The following MUC6 variants were observed in gnomAD, a reference collection of about 807,000 sequenced individuals.
MUC6 encodes mucin 6, oligomeric mucus/gel-forming (gene/pseudogene).
MUC6 carries 188 observed loss-of-function variants against 201.5 expected under a neutral mutation model. The observed-to-expected ratio is 0.93, with a 90% CI of 0.83 to 1.05. The LOEUF (loss-of-function observed/expected upper bound fraction) is 1.05. MUC6 is among the 50% of genes least tolerant of loss of function. The probability of loss-of-function intolerance (pLI) is 0.00; values close to 1 mark genes in which losing one functional copy is unlikely to be tolerated. For missense variants in MUC6, 2,706 were observed against 3,256.9 expected (o/e 0.83, Z 4.12); for synonymous variants, 1,228 against 1,389.4 (o/e 0.88, Z 2.58).
Position 1,015,854 on chromosome 11 carries a change from G to C in MUC6, c.6947C>G (p.Thr2316Arg). ...RHPGPTLSPTTRFLTSSLTAH... is the reference protein window; with the variant it reads ...RHPGPTLSPTRRFLTSSLTAH... ...AGTGAGGGAGCTGGTCAGGAACCGT[G>C]TGGTAGGCGACAAGGTGGGACCAGG... is the stretch of plus-strand genomic sequence containing the variant. Residue 2316 changes from threonine to arginine, a missense_variant, in exon 31 of 33, where the codon ACA (threonine) becomes AGA (arginine). Around this residue, in one of 10 missense-constraint regions of MUC6, gnomAD observed 586 missense variants for 488.0 expected, o/e 1.20. Transcript: ENST00000421673. The C allele has an allele frequency of 6.2e-7, 1 of 1,605,802 alleles. No individual in the cohort carries two copies. The highest frequency in any genetic ancestry group is 1.3e-5 in the African/African-American group (1 of 74,966).
intron 5 of MUC6, 54 bp from the exon 6 acceptor site, chr11:1,031,110 C>G (rs1857091645): frequency 3.5e-6 from 5 of 1,431,412 alleles, no homozygotes; most frequent in Non-Finnish European, 4.7e-6. Context: ...AGAGGCCCCC[C>G]TGCCCTGCCC....
Position 1,015,767 on chromosome 11 carries a change from G to C in MUC6, c.7034C>G (p.Ser2345Ter), listed in dbSNP as rs780694883. 2 of 1,532,114 alleles carry C rather than the reference G, an allele frequency of 1.3e-6. No homozygotes were observed. Among genetic ancestry groups the C allele is most frequent in the Non-Finnish European group, 1.8e-6 (2 of 1,138,024 alleles). 94.9% of individuals were successfully genotyped at this position (1,532,114 alleles called of 1,614,324 possible). Residue 2345 changes from serine (S) to a stop codon, truncating the protein, a stop_gained, in exon 31 of 33, where the codon TCA (serine) becomes TGA (stop). Coordinates refer to ENST00000421673, the MANE Select transcript of MUC6 (RefSeq NM_005961.3). LOFTEE classifies it high-confidence loss of function. ...VSSLGTPTPTSPGVCSVREQQ... is the reference protein window; with the variant it reads ...VSSLGTPTPT ...GCCACAGAGATGCCACTTACCGGGT[G>C]AGGTGGGCGTAGGTGTCCCGAGAGA... is the stretch of plus-strand genomic sequence containing the variant.
intron 10 of MUC6, 30 bp from the exon 11 acceptor site, chr11:1,029,180 G>T (rs768580793): frequency 1.2e-6 from 2 of 1,606,074 alleles, no homozygotes; most frequent in South Asian, 1.1e-5. Context: ...AGACACGGGT[G>T]GGGTCACCGG....
Position 1,029,614 on chromosome 11 carries a change from A to G in MUC6, c.1017T>C (p.Gly339=), listed in dbSNP as rs1857054056. 6.3e-7 allele frequency: 1 copy of G among 1,580,608 alleles called. No homozygotes were observed. Among genetic ancestry groups the G allele is most frequent in the African/African-American group, 1.3e-5 (1 of 74,200 alleles). Residue 339 remains glycine (G), a splice_region_variant and synonymous_variant, in exon 9 of 33, where the codon GGT becomes GGC. Coordinates refer to ENST00000421673, the MANE Select transcript of MUC6 (RefSeq NM_005961.3). ...SCTFGCFCPE[G]TVLNDLSNNH... ...TATTGGAGAGGTCATTCAGGACCGTACCTGCAGGAGAGGGTCTTCTTGGGG... is the reference window on the plus strand; with the variant it reads ...TATTGGAGAGGTCATTCAGGACCGTGCCTGCAGGAGAGGGTCTTCTTGGGG...
At chr11:1,032,095 A>T in intron 2 of MUC6, 42 bp from the exon 3 acceptor site, 1 of 1,600,446 alleles carries the variant, frequency 6.2e-7, no homozygotes, top group Non-Finnish European at 8.5e-7. Flanking sequence ...TGTCCCCACC[A>T]TCCTGGCCAG....
At position 1,018,763 on chromosome 11, in the gene MUC6, C is replaced by G. The variant is rs545535610; in HGVS notation, c.4038G>C (p.Ser1346=). ...TTGTTCCTGGCAGTTCCTGATTGGTCGATTTTGCTGTGGGAATTGGTGAAG... is the reference window on the plus strand; with the variant it reads ...TTGTTCCTGGCAGTTCCTGATTGGTGGATTTTGCTGTGGGAATTGGTGAAG... The part of the protein sequence containing the change: ...TSGTSPTLPK[S]TNQELPGTTA... Residue 1346 remains serine (S), a synonymous_variant, in exon 31 of 33, where the codon TCG becomes TCC. Coordinates refer to ENST00000421673, the MANE Select transcript of MUC6 (RefSeq NM_005961.3). 1.8e-4 allele frequency: 277 copies of G among 1,558,506 alleles called. 3 individuals are homozygous for G. The South Asian group carries it at 3.0e-3, about 17-fold the overall frequency.
intron 1 of MUC6, among the ~76,000 whole-genome samples, chr11:1,034,576 A>G (rs1202594714): frequency 6.6e-6 from 1 of 150,992 alleles, no homozygotes; most frequent in Non-Finnish European, 1.5e-5. Flanking sequence ...CTGGTGGGGG[A>G]GGGGTGGGAG....
At position 1,027,261 on chromosome 11, in the gene MUC6, C is replaced by T; in HGVS notation, c.2231+7G>A. 1 of 1,612,246 alleles carries T rather than the reference C, an allele frequency of 6.2e-7. No individual in the cohort carries two copies. The highest frequency in any genetic ancestry group is 8.5e-7 in the Non-Finnish European group (1 of 1,179,820). On this transcript the variant is annotated splice_region_variant and intron_variant, in intron 17 of 32. Coordinates refer to ENST00000421673, the MANE Select transcript of MUC6 (RefSeq NM_005961.3). ...ACCCCCCGCCTGGCCCCTGCCCGGTCCCTCACCAGGTGATGCCGTTGATGA... is the reference window on the plus strand; with the variant it reads ...ACCCCCCGCCTGGCCCCTGCCCGGTTCCTCACCAGGTGATGCCGTTGATGA...
chr11:1,016,297 G>A lies in MUC6; in HGVS notation c.6504C>T (p.Ala2168=), dbSNP rs367793203. ...AGCTCAGGGTTGTGGAGTGCACGGG[G>A]GCGGACACGAAAGAGGAAGATGTGC... ...SVGTSSSFVS[A]PVHSTTLSSG... Residue 2168 remains alanine, a synonymous_variant, in exon 31 of 33, where the codon GCC becomes GCT. Transcript: ENST00000421673. 2 of 1,612,270 alleles carry A rather than the reference G, an allele frequency of 1.2e-6. No individual in the cohort carries two copies. Among genetic ancestry groups the A allele is most frequent in the African/African-American group, 2.7e-5 (2 of 74,964 alleles).
In MUC6 at chr11:1,015,989, G is replaced by A; in HGVS notation, c.6812C>T (p.Ser2271Leu). The stretch of plus-strand genomic sequence containing the variant: ...TCGGGTGGTGAGAGAAGTGGACCGC[G>A]AGGTGGTGGACTGAGAGGAGAAGGC... The part of the protein sequence containing the change: ...APAFSSQSTT[S>L]RSTSLTTRVP... Residue 2271 changes from serine (S) to leucine (L), a missense_variant, in exon 31 of 33, where the codon TCG becomes TTG. Around this residue, in one of 10 missense-constraint regions of MUC6, gnomAD observed 586 missense variants for 488.0 expected, o/e 1.20. Coordinates refer to ENST00000421673, the MANE Select transcript of MUC6 (RefSeq NM_005961.3). The A allele has an allele frequency of 1.3e-6, 2 of 1,599,628 alleles. No homozygotes were observed. Among genetic ancestry groups the A allele is most frequent in the Non-Finnish European group, 8.5e-7 (1 of 1,170,764 alleles).
At position 1,028,334 on chromosome 11, in the gene MUC6, C is replaced by G. The variant is rs199533668; in HGVS notation, c.1645G>C (p.Gly549Arg). ...DTTDDFTTSM[G>R]IAEGTASLFV... ...AGCGAGGCGGTGCCCTCGGCGATAC[C>G]CATGCTAGTGGTGAAGTCATCCGTT... Residue 549 changes from glycine to arginine, a missense_variant, in exon 14 of 33, where the codon GGT becomes CGT. Gly to Arg is a moderately radical substitution (Grantham distance 125, BLOSUM62 -2). Coordinates refer to ENST00000421673, the MANE Select transcript of MUC6 (RefSeq NM_005961.3). The G allele has an allele frequency of 6.2e-6, 10 of 1,612,514 alleles. No homozygotes were observed. The highest frequency in any genetic ancestry group is 6.8e-6 in the Non-Finnish European group (8 of 1,179,862).
At position 1,013,484 on chromosome 11, in the gene MUC6, ACG is replaced by A; in HGVS notation, c.7290_7291del (p.Cys2432GlnfsTer23). The stretch of plus-strand genomic sequence containing the variant: ...GTCTCCACAGGCCACAGAGCTGCAC[ACG>A]CAGTGGCTGAACACCTGCAGGGTGA... On this transcript the variant is annotated frameshift_variant, in exon 33 of 33. Coordinates refer to ENST00000421673, the MANE Select transcript of MUC6 (RefSeq NM_005961.3). LOFTEE classifies it low-confidence loss of function (END_TRUNC). 6.3e-7 allele frequency: 1 copy of A among 1,585,700 alleles called. No individual in the cohort carries two copies. The highest frequency in any genetic ancestry group is 8.6e-7 in the Non-Finnish European group (1 of 1,167,486).
chr11:1,027,001 C>G lies in MUC6; in HGVS notation c.2334G>C (p.Glu778Asp). The G allele has an allele frequency of 5.6e-6, 9 of 1,602,932 alleles. No individual in the cohort carries two copies. The highest frequency in any genetic ancestry group is 7.7e-6 in the Non-Finnish European group (9 of 1,175,506). ...KTFKSCSQSS[E>D]NKFGAACAPT... ...GGGCACAGGCTGCCCCAAACTTGTT[C>G]TCGGAGGACTGGCTGCAGGACTTGA... Residue 778 changes from glutamate to aspartate, a missense_variant, in exon 19 of 33, where the codon GAG (glutamate) becomes GAC (aspartate). By Grantham distance (45) the Glu-to-Asp change is conservative (BLOSUM62 2). Around this residue, in one of 10 missense-constraint regions of MUC6, gnomAD observed 1,850 missense variants for 1,958.3 expected, o/e 0.94. Coordinates refer to ENST00000421673, the MANE Select transcript of MUC6 (RefSeq NM_005961.3).
chr11:1,024,991 C>T lies in MUC6; in HGVS notation c.3078G>A (p.Glu1026=). 6.2e-7 allele frequency: 1 copy of T among 1,613,194 alleles called. No individual in the cohort carries two copies. Among genetic ancestry groups the T allele is most frequent in the African/African-American group, 1.3e-5 (1 of 75,078 alleles). ...GGCTCTCCTTCCACGAGTTCACCAA[C>T]TCCAGCTCGCTGGATGCCACGTACC... ...RSRYVASSEL[E]LVNSWKESPL... is the part of the protein sequence containing the mutation. Residue 1026 remains glutamate, a synonymous_variant, in exon 24 of 33, where the codon GAG becomes GAA. Transcript: ENST00000421673.
Position 1,014,526 on chromosome 11 carries a change from G to A in MUC6, c.7040-525C>T, listed in dbSNP as rs563192391. On this transcript the variant is annotated intron_variant, in intron 31 of 32. Coordinates refer to ENST00000421673, the MANE Select transcript of MUC6 (RefSeq NM_005961.3). ...TGGAAGGGGCGGGGTGGGGGCCCGC[G>A]GGGAAGGCCCAGAGACAGCCAGCCT... 4.6e-5 allele frequency among the ~76,000 whole-genome samples: 7 copies of A among 152,334 alleles called. No individual in the cohort carries two copies. In the South Asian group the frequency reaches 1.2e-3, roughly 27 times the overall value.
Position 1,027,064 on chromosome 11 carries a change from G to A in MUC6, c.2285-14C>T, listed in dbSNP as rs1856977691. 1.2e-6 allele frequency: 2 copies of A among 1,604,988 alleles called. No individual in the cohort carries two copies. The highest frequency in any genetic ancestry group is 8.5e-7 in the Non-Finnish European group (1 of 1,176,398). ...CCTGGCAGGAGGCTGCAGGAAAGAG[G>A]GGTGCGCGGTCAGGACACTCAGAGG... On this transcript the variant is annotated splice_polypyrimidine_tract_variant and intron_variant, in intron 18 of 32. Transcript: ENST00000421673.
chr11:1,015,858 T>C lies in MUC6; in HGVS notation c.6943A>G (p.Thr2315Ala). ...TRHPGPTLSPTTRFLTSSLTA... is the reference protein window; with the variant it reads ...TRHPGPTLSPATRFLTSSLTA... ...AGGGAGCTGGTCAGGAACCGTGTGG[T>C]AGGCGACAAGGTGGGACCAGGGTGC... Residue 2315 changes from threonine to alanine, a missense_variant, in exon 31 of 33, where the codon ACC (threonine) becomes GCC (alanine). Physicochemically the swap from Thr to Ala is moderately conservative, Grantham distance 58 (BLOSUM62 0). Transcript: ENST00000421673. 6.2e-7 allele frequency: 1 copy of C among 1,606,540 alleles called. No homozygotes were observed. Among genetic ancestry groups the C allele is most frequent in the African/African-American group, 1.3e-5 (1 of 74,912 alleles).
chr11:1,022,281 C>T (rs1308049541), intron 26 of MUC6, among the ~76,000 whole-genome samples: 1 of 148,634 alleles, frequency 6.7e-6, no homozygotes, highest in Admixed American at 6.7e-5. Context: ...GCTCCTTCTG[C>T]CCTCTACAGC....
In MUC6 at chr11:1,018,255, ATG is replaced by A. The variant is rs1856717604; in HGVS notation, c.4544_4545del (p.Ser1515PhefsTer21). Reference sequence around the variant, plus strand: ...GAGGTAGGTGTTTTGTTTGTGCTGAATGAGCTGTGGGCTTGGCTGGTCCCACT... The same window carrying A: ...GAGGTAGGTGTTTTGTTTGTGCTGAAAGCTGTGGGCTTGGCTGGTCCCACT... ...TTSGTSQAHS[S>X]FSTNKTPTSL... On this transcript the variant is annotated frameshift_variant, in exon 31 of 33. Coordinates refer to ENST00000421673, the MANE Select transcript of MUC6 (RefSeq NM_005961.3). LOFTEE classifies it high-confidence loss of function. 1 of 1,506,002 alleles carries A rather than the reference ATG, an allele frequency of 6.6e-7. No homozygotes were observed. Among genetic ancestry groups the A allele is most frequent in the Non-Finnish European group, 8.9e-7 (1 of 1,129,278 alleles). 93.3% of individuals were successfully genotyped at this position (1,506,002 alleles called of 1,614,324 possible).
Sources: gnomAD v4.1 joint callset for allele counts (sites outside exome capture counted in the v4.1 genomes callset) on GRCh38, gnomAD v4.1.1 for gene constraint, gnomAD v4.1.1 regional missense constraint, MANE v1.5 for transcripts, NCBI Gene and HGNC (gene_info 2026-07-23, HGNC 2026-07-21) for gene names.